Variants in TMTC2 observed in about 807,000 individuals in gnomAD.
TMTC2 encodes transmembrane O-mannosyltransferase targeting cadherins 2.
In TMTC2, 43 loss-of-function variants were observed where a neutral mutation model predicts 82.4. That is an observed-to-expected ratio of 0.52 (90% CI 0.41 to 0.67). The LOEUF is 0.67. Among genes scored for constraint, TMTC2 ranks in the 30% least tolerant of loss-of-function variants. TMTC2 has a pLI of 0.00. For missense variants in TMTC2, 919 were observed against 1,012.4 expected, an observed-to-expected ratio of 0.91 and a Z score of 1.25; for synonymous variants, 408 against 381.9, an observed-to-expected ratio of 1.07 and a Z score of -0.80.
At chr12:82,979,244 GTCT>G (rs1878815128) in intron 7 of TMTC2, among the ~76,000 whole-genome samples, 1 of 151,298 alleles carries the variant, frequency 6.6e-6, no homozygotes, top group Non-Finnish European at 1.5e-5. Context: ...TCATTTTGTG[GTCT>G]TCTTTCTTTA....
Position 82,777,826 on chromosome 12 carries a change from T to C in TMTC2, c.84-79184T>C, listed in dbSNP as rs184428593. On this transcript the variant is annotated intron_variant, in intron 1 of 11. Coordinates refer to ENST00000321196, the MANE Select transcript of TMTC2 (RefSeq NM_152588.3). ...ATTCATCTCTTCAGTGGCTCCTAAA[T>C]TGTTGATGTTCATGCTTTGTTTCCA... Among the ~76,000 whole-genome samples, 84 of 152,196 alleles carry C rather than the reference T, an allele frequency of 5.5e-4. 1 individual carries two copies. The East Asian group carries it at 0.012, about 22-fold the overall frequency.
At chr12:83,005,600 G>T (rs1317821618) in intron 8 of TMTC2, among the ~76,000 whole-genome samples, 1 of 152,164 alleles carries the variant, frequency 6.6e-6, no homozygotes, top group Non-Finnish European at 1.5e-5. Context: ...CTGCATTCTG[G>T]ATCTACGTGC....
intron 9 of TMTC2, among the ~76,000 whole-genome samples, chr12:83,044,956 T>C (rs1326353982): frequency 6.6e-6 from 1 of 152,220 alleles, no homozygotes; most frequent in Non-Finnish European, 1.5e-5. Flanking sequence ...TACATTTTTA[T>C]GGATTTCTGC....
rs1873665451 is a variant in TMTC2, at chr12:82,896,123, CCTT to C, written c.963_965del (p.Leu323del). 5 of 1,613,890 alleles carry C rather than the reference CCTT, an allele frequency of 3.1e-6. No homozygotes were observed. Among genetic ancestry groups the C allele is most frequent in the African/African-American group, 1.3e-5 (1 of 74,850 alleles). ...ACACTGTGGCCTTCTATACTGGACTCCTTCTCCTTGCCTACTATGGTTTGAAGA... is the reference window on the plus strand; with the variant it reads ...ACACTGTGGCCTTCTATACTGGACTCCTCCTTGCCTACTATGGTTTGAAGA... On this transcript the variant is annotated inframe_deletion, in exon 3 of 12. Coordinates refer to ENST00000321196, the MANE Select transcript of TMTC2 (RefSeq NM_152588.3).
chr12:82,773,529 C>T (rs1592510169), intron 1 of TMTC2, among the ~76,000 whole-genome samples: 3 of 150,518 alleles, frequency 2.0e-5, no homozygotes, highest in African/African-American at 4.9e-5. Flanking sequence ...GGTGCGATCT[C>T]GGCTCACTGC....
chr12:82,862,297 G>A lies in TMTC2; in HGVS notation c.654+4717G>A, dbSNP rs1871594221. Among the ~76,000 whole-genome samples the A allele has an allele frequency of 2.6e-5, 4 of 152,102 alleles. No individual in the cohort carries two copies. In the South Asian group the frequency reaches 6.2e-4, roughly 24 times the overall value. ...AAAAGCAACATTTTTCTTGCCCAAC[G>A]TCAGTCATTGCTTGCCTAGTGGCCA... On this transcript the variant is annotated intron_variant, in intron 2 of 11. Transcript: ENST00000321196.
At chr12:82,998,228 T>C (rs1879753092) in intron 8 of TMTC2, among the ~76,000 whole-genome samples, 1 of 152,108 alleles carries the variant, frequency 6.6e-6, no homozygotes, top group Non-Finnish European at 1.5e-5. Context: ...ATGATTGATA[T>C]GATGGGTGGA....
chr12:83,011,271 T>C (rs978354485), intron 8 of TMTC2, among the ~76,000 whole-genome samples: 1 of 152,230 alleles, frequency 6.6e-6, no homozygotes, highest in African/African-American at 2.4e-5. Flanking sequence ...AGTTCTAGAC[T>C]GCCTGGCTTG....
At chr12:82,775,372 C>G (rs1002822803) in intron 1 of TMTC2, among the ~76,000 whole-genome samples, 2 of 151,832 alleles carry the variant, frequency 1.3e-5, no homozygotes, top group Non-Finnish European at 2.9e-5. Context: ...ATTGTCTGAG[C>G]CTGGGAGATT....
chr12:82,729,496 A>G (rs1874652085), intron 1 of TMTC2, among the ~76,000 whole-genome samples: 1 of 152,210 alleles, frequency 6.6e-6, no homozygotes, highest in African/African-American at 2.4e-5. Flanking sequence ...GACACTCTGT[A>G]TGTAGCTAAT....
chr12:82,866,341 A>G (rs1320109829), intron 2 of TMTC2, among the ~76,000 whole-genome samples: 1 of 152,148 alleles, frequency 6.6e-6, no homozygotes, highest in East Asian at 1.9e-4. Flanking sequence ...AATGGCTACA[A>G]GTACAAAATA....
chr12:82,960,566 C>T (rs145931536), intron 4 of TMTC2, among the ~76,000 whole-genome samples: 11 of 151,790 alleles, frequency 7.2e-5, no homozygotes, highest in African/African-American at 2.4e-4. Flanking sequence ...GAAGTGGCAA[C>T]TAAATATTGG....
chr12:83,051,503 G>T (rs1882346741), intron 10 of TMTC2, among the ~76,000 whole-genome samples: 2 of 151,976 alleles, frequency 1.3e-5, no homozygotes, highest in South Asian at 4.1e-4. Flanking sequence ...AAAACTACTA[G>T]TCATAAAATA....
At chr12:83,032,262 T>G (rs1477149176) in intron 9 of TMTC2, among the ~76,000 whole-genome samples, 8 of 8,534 alleles carry the variant, frequency 9.4e-4, no homozygotes, top group African/African-American at 2.7e-3. Context: ...ATATTTTATA[T>G]ATATATATAT....
intron 8 of TMTC2, among the ~76,000 whole-genome samples, chr12:83,019,777 G>A (rs1880831570): frequency 6.6e-6 from 1 of 151,880 alleles, no homozygotes; most frequent in African/African-American, 2.4e-5. Context: ...TCCTTTCGTT[G>A]CCACTTCTCT....
chr12:83,127,166 A>G (rs1319867604), intron 11 of TMTC2, among the ~76,000 whole-genome samples: 5 of 152,172 alleles, frequency 3.3e-5, no homozygotes, highest in South Asian at 2.1e-4. Flanking sequence ...GAAGGTAGTT[A>G]TCTTGAAAAT....
intron 2 of TMTC2, among the ~76,000 whole-genome samples, chr12:82,873,901 A>C (rs1238500145): frequency 1.3e-5 from 2 of 152,224 alleles, no homozygotes; most frequent in Non-Finnish European, 2.9e-5. Context: ...CTTTAAATAA[A>C]TGGCCATCCT....
At chr12:82,940,113 C>T (rs144233721) in intron 4 of TMTC2, among the ~76,000 whole-genome samples, 2,790 of 150,756 alleles carry the variant, frequency 0.019, 87 homozygotes, top group East Asian at 0.15. Flanking sequence ...CTCCGCCTCC[C>T]GCGTTCAAGC....
chr12:82,695,129 A>G (rs1426783153), intron 1 of TMTC2, among the ~76,000 whole-genome samples: 1 of 152,256 alleles, frequency 6.6e-6, no homozygotes, highest in Non-Finnish European at 1.5e-5. Flanking sequence ...AAGTATTTCA[A>G]ACAGCCATGT....
Sources: allele counts gnomAD v4.1 joint callset (sites outside exome capture counted in the v4.1 genomes callset), GRCh38; gene constraint gnomAD v4.1.1; transcripts MANE v1.5; gene names NCBI Gene and HGNC (gene_info 2026-07-23, HGNC 2026-07-21).